Variants in ERBB4 observed in about 807,000 individuals in gnomAD.
The protein encoded by ERBB4 is erb-b2 receptor tyrosine kinase 4.
Under a neutral mutation model 158.0 loss-of-function variants are expected in ERBB4, and 42 were observed. That is an observed-to-expected ratio of 0.27 (90% CI 0.21 to 0.34). The LOEUF (loss-of-function observed/expected upper bound fraction) is 0.34. Among genes scored for constraint, ERBB4 ranks in the 10% least tolerant of loss-of-function variants. The pLI, the probability that ERBB4 is intolerant of heterozygous loss-of-function variation, is 1.00. For synonymous variants in ERBB4, 583 were observed against 558.7 expected (o/e 1.04, Z -0.61); for missense variants, 1,333 against 1,624.1 (o/e 0.82, Z 3.08).
intron 2 of ERBB4, among the ~76,000 whole-genome samples, chr2:211,952,898 C>T (rs1292054209): frequency 2.6e-5 from 4 of 151,930 alleles, no homozygotes; most frequent in Non-Finnish European, 5.9e-5. Flanking sequence ...ATTATAATAT[C>T]ATTACATAAG....
chr2:212,301,836 G>C (rs1386700808), intron 1 of ERBB4, among the ~76,000 whole-genome samples: 3 of 151,182 alleles, frequency 2.0e-5, no homozygotes, highest in Admixed American at 6.6e-5. Context: ...ACATAGTTTT[G>C]AGCTTTGAAA....
At chr2:211,433,748 G>T (rs2063792973) in intron 20 of ERBB4, among the ~76,000 whole-genome samples, 1 of 152,134 alleles carries the variant, frequency 6.6e-6, no homozygotes, top group African/African-American at 2.4e-5. Context: ...CTGCAATTTG[G>T]CAGTCCATGG....
chr2:212,048,815 T>G (rs113466761), intron 2 of ERBB4, among the ~76,000 whole-genome samples: 1,982 of 152,348 alleles, frequency 0.013, 22 homozygotes, highest in Middle Eastern at 0.027. Flanking sequence ...ACCCTGGGAC[T>G]GGATGAGATC....
intron 1 of ERBB4, among the ~76,000 whole-genome samples, chr2:212,156,174 A>T (rs2125637887): frequency 6.6e-6 from 1 of 152,182 alleles, no homozygotes; most frequent in East Asian, 1.9e-4. Flanking sequence ...AATCAAATAA[A>T]CCTTCCCTGA....
chr2:212,098,429 A>G (rs1214212632), intron 2 of ERBB4, among the ~76,000 whole-genome samples: 1 of 152,182 alleles, frequency 6.6e-6, no homozygotes, highest in Non-Finnish European at 1.5e-5. Flanking sequence ...CACCAATGGG[A>G]AAGCTGAATG....
chr2:211,949,220 G>A (rs1445230927), intron 2 of ERBB4, among the ~76,000 whole-genome samples: 1 of 152,118 alleles, frequency 6.6e-6, no homozygotes, highest in Non-Finnish European at 1.5e-5. Context: ...TCCCTATGGT[G>A]TATTCTCAAT....
At chr2:211,427,722 AG>A (rs1159853763) in intron 22 of ERBB4, among the ~76,000 whole-genome samples, 2 of 152,130 alleles carry the variant, frequency 1.3e-5, no homozygotes, top group Non-Finnish European at 2.9e-5. Context: ...CCCACAAAAA[AG>A]TTGGTTTTGT....
chr2:212,101,639 A>G (rs1241754603), intron 2 of ERBB4, among the ~76,000 whole-genome samples: 1 of 152,006 alleles, frequency 6.6e-6, no homozygotes, highest in African/African-American at 2.4e-5. Context: ...CTGAACTGAA[A>G]ATAATATATA....
At chr2:212,162,115 T>C (rs2081218733) in intron 1 of ERBB4, among the ~76,000 whole-genome samples, 1 of 151,830 alleles carries the variant, frequency 6.6e-6, no homozygotes, top group Admixed American at 6.6e-5. Context: ...GTGAAACCTA[T>C]GTACACAAAA....
At chr2:211,860,578 A>G (rs942664948) in intron 3 of ERBB4, among the ~76,000 whole-genome samples, 1 of 152,134 alleles carries the variant, frequency 6.6e-6, no homozygotes, top group Non-Finnish European at 1.5e-5. Flanking sequence ...TGATTCACAC[A>G]TTATAAGTCT....
At chr2:211,928,758 A>G (rs1331612828) in intron 3 of ERBB4, among the ~76,000 whole-genome samples, 2 of 152,190 alleles carry the variant, frequency 1.3e-5, no homozygotes, top group African/African-American at 2.4e-5. Context: ...TAATTACTTG[A>G]GTCACTTATA....
At chr2:212,270,741 C>T (rs1001176020) in intron 1 of ERBB4, among the ~76,000 whole-genome samples, 1 of 151,532 alleles carries the variant, frequency 6.6e-6, no homozygotes, top group Non-Finnish European at 1.5e-5. Context: ...CTCAAGCTAG[C>T]TATTTGGAAA....
chr2:212,537,903 G>A (rs1196009642), intron 1 of ERBB4, among the ~76,000 whole-genome samples: 2 of 152,296 alleles, frequency 1.3e-5, no homozygotes, highest in East Asian at 3.9e-4. Context: ...GGCTGGGCGC[G>A]AGTTGCGTCT....
At chr2:211,678,282 G>A (rs2072169991) in intron 13 of ERBB4, among the ~76,000 whole-genome samples, 2 of 133,510 alleles carry the variant, frequency 1.5e-5, no homozygotes, top group South Asian at 5.0e-4. Flanking sequence ...ATAAAAGTGA[G>A]TAGAAAAAAC....
chr2:211,571,658 G>A (rs1463373820), intron 19 of ERBB4, among the ~76,000 whole-genome samples: 1 of 151,914 alleles, frequency 6.6e-6, no homozygotes, highest in Non-Finnish European at 1.5e-5. Context: ...TGGCATCTCT[G>A]TTTTTTTCTC....
At chr2:212,009,834 G>T (rs2076341923) in intron 2 of ERBB4, among the ~76,000 whole-genome samples, 1 of 152,096 alleles carries the variant, frequency 6.6e-6, no homozygotes, top group Middle Eastern at 3.4e-3. Flanking sequence ...AAATGTCCCG[G>T]ACATTTGTAT....
chr2:211,625,248 T>G (rs944040749), intron 17 of ERBB4, among the ~76,000 whole-genome samples: 1 of 152,198 alleles, frequency 6.6e-6, no homozygotes, highest in Non-Finnish European at 1.5e-5. Context: ...CTCTTTTATT[T>G]TTCCAGCATA....
intron 20 of ERBB4, among the ~76,000 whole-genome samples, chr2:211,516,155 A>G (rs904571768): frequency 6.6e-6 from 1 of 150,854 alleles, no homozygotes; most frequent in Non-Finnish European, 1.5e-5. Context: ...TAACCTCGTG[A>G]TCCGCCCGCC....
At chr2:211,795,869 T>G (rs951683061) in intron 3 of ERBB4, among the ~76,000 whole-genome samples, 1 of 151,928 alleles carries the variant, frequency 6.6e-6, no homozygotes, top group Non-Finnish European at 1.5e-5. Flanking sequence ...AAACTTTATA[T>G]ACTATTTAAA....
Sources: allele counts gnomAD v4.1 joint callset (sites outside exome capture counted in the v4.1 genomes callset), GRCh38; gene constraint gnomAD v4.1.1; transcripts MANE v1.5; gene names NCBI Gene and HGNC (gene_info 2026-07-23, HGNC 2026-07-21).